OPCML: variants seen among roughly 807,000 people sequenced by gnomAD.
OPCML encodes opioid-binding protein/cell adhesion molecule.
OPCML carries 13 observed loss-of-function variants against 37.8 expected under a neutral mutation model. That is an observed-to-expected ratio of 0.34 (90% confidence interval 0.22 to 0.55). OPCML has a LOEUF of 0.55. Among genes scored for constraint, OPCML ranks in the 20% least tolerant of loss-of-function variants. The pLI is 0.91. For missense variants in OPCML, 341 were observed against 435.6 expected, an observed-to-expected ratio of 0.78 and a Z score of 1.93; for synonymous variants, 176 against 168.8, an observed-to-expected ratio of 1.04 and a Z score of -0.33.
chr11:132,656,766 G>A (rs769636050), intron 3 of OPCML, among the ~76,000 whole-genome samples: 1 of 152,180 alleles, frequency 6.6e-6, no homozygotes, highest in Non-Finnish European at 1.5e-5. Context: ...GAGTAGTACT[G>A]TATTTATCTA....
At chr11:132,620,560 C>T (rs779640493) in intron 3 of OPCML, among the ~76,000 whole-genome samples, 152 of 152,242 alleles carry the variant, frequency 1.0e-3, no homozygotes, top group Non-Finnish European at 2.1e-3. Flanking sequence ...CCCAAGGTGA[C>T]GCTTTACCAA....
At chr11:132,639,881 C>T (rs1940744653) in intron 3 of OPCML, among the ~76,000 whole-genome samples, 1 of 152,206 alleles carries the variant, frequency 6.6e-6, no homozygotes, top group Non-Finnish European at 1.5e-5. Context: ...GGATGGCTGT[C>T]ATCGACAGTA....
At chr11:132,617,910 G>T (rs1229187070) in intron 3 of OPCML, among the ~76,000 whole-genome samples, 1 of 152,184 alleles carries the variant, frequency 6.6e-6, no homozygotes, top group Non-Finnish European at 1.5e-5. Context: ...TCAAAGTGGG[G>T]ATTATGGCTT....
intron 2 of OPCML, among the ~76,000 whole-genome samples, chr11:132,731,445 G>A (rs1945071879): frequency 6.6e-6 from 1 of 152,184 alleles, no homozygotes; most frequent in South Asian, 2.1e-4. Flanking sequence ...AAAGAAATGT[G>A]CCACAGTGTA....
chr11:132,729,846 G>A (rs921360050), intron 2 of OPCML, among the ~76,000 whole-genome samples: 1 of 152,072 alleles, frequency 6.6e-6, no homozygotes, highest in Non-Finnish European at 1.5e-5. Flanking sequence ...TGAAGGGGAT[G>A]AGCAGGATAT....
Position 132,831,607 on chromosome 11 carries a change from C to T in OPCML, c.146+111319G>A, listed in dbSNP as rs1230145642. On this transcript the variant is annotated intron_variant, in intron 2 of 7. Coordinates refer to ENST00000524381, the MANE Select transcript of OPCML (RefSeq NM_001012393.5). ...ACTTGCTTCCTCCTGCCTCTCCAAA[C>T]CCATCCATCATAACTGGTAATAGGG... Among the ~76,000 whole-genome samples, 11 of 152,046 alleles carry T rather than the reference C, an allele frequency of 7.2e-5. 1 individual carries two copies. Among genetic ancestry groups the T allele is most frequent in the Admixed American group, 7.2e-4 (11 of 15,264 alleles).
At chr11:133,393,478 T>C (rs1169557578) in intron 1 of OPCML, among the ~76,000 whole-genome samples, 1 of 152,184 alleles carries the variant, frequency 6.6e-6, no homozygotes, top group East Asian at 1.9e-4. Context: ...CAGCTTACCA[T>C]CTTTGGTAGC....
chr11:132,895,811 T>C (rs1943817565), intron 2 of OPCML, among the ~76,000 whole-genome samples: 1 of 152,056 alleles, frequency 6.6e-6, no homozygotes. Context: ...CCACCCCCCC[T>C]GCCCCTCTTT....
chr11:133,474,827 G>A lies in OPCML; in HGVS notation c.61+57437C>T, dbSNP rs555865273. On this transcript the variant is annotated intron_variant, in intron 1 of 7. Transcript: ENST00000524381. ...ATAGGAGAGGAGGGTGGGGAGTCTC[G>A]GATGTGCTGGGGCACTGGCCTTTGA... Among the ~76,000 whole-genome samples, 6 of 152,304 alleles carry A rather than the reference G, an allele frequency of 3.9e-5. No individual in the cohort carries two copies. In the South Asian group the frequency reaches 8.3e-4, roughly 21 times the overall value.
At chr11:133,137,699 A>G (rs1170227480) in intron 1 of OPCML, among the ~76,000 whole-genome samples, 1 of 152,210 alleles carries the variant, frequency 6.6e-6, no homozygotes, top group Non-Finnish European at 1.5e-5. Context: ...GCTCAATTCA[A>G]GTTAACATTT....
intron 2 of OPCML, among the ~76,000 whole-genome samples, chr11:132,700,980 T>C (rs1054794333): frequency 5.3e-5 from 8 of 152,236 alleles, no homozygotes; most frequent in Non-Finnish European, 8.8e-5. Flanking sequence ...TGAGTGCCTA[T>C]ATATTTACAA....
chr11:132,469,770 A>G (rs11223085), intron 4 of OPCML, among the ~76,000 whole-genome samples: 372 of 27,522 alleles, frequency 0.014, 1 homozygote, highest in South Asian at 0.033. Flanking sequence ...GTGTGTGTGT[A>G]TGTGTGGAGG....
intron 2 of OPCML, among the ~76,000 whole-genome samples, chr11:132,904,235 C>T (rs1405798332): frequency 6.6e-6 from 1 of 152,208 alleles, no homozygotes; most frequent in Non-Finnish European, 1.5e-5. Context: ...GCCATTAATA[C>T]AGCACAAACA....
chr11:132,752,813 C>T (rs1341510251), intron 2 of OPCML, among the ~76,000 whole-genome samples: 1 of 152,082 alleles, frequency 6.6e-6, no homozygotes, highest in South Asian at 2.1e-4. Flanking sequence ...ATATAAAAGA[C>T]AGGCCTCCTT....
At chr11:132,590,167 T>G (rs1764196527) in intron 3 of OPCML, among the ~76,000 whole-genome samples, 2 of 152,206 alleles carry the variant, frequency 1.3e-5, no homozygotes, top group South Asian at 4.1e-4. Flanking sequence ...ATACATAAAC[T>G]GCATATTCTT....
intron 2 of OPCML, among the ~76,000 whole-genome samples, chr11:132,811,086 C>T (rs992780071): frequency 2.0e-5 from 3 of 152,134 alleles, no homozygotes; most frequent in Non-Finnish European, 4.4e-5. Flanking sequence ...TAGGTGCCCC[C>T]CAAGAGCTGT....
At chr11:132,496,186 G>A (rs1238766333) in intron 4 of OPCML, among the ~76,000 whole-genome samples, 3 of 152,138 alleles carry the variant, frequency 2.0e-5, no homozygotes, top group Admixed American at 6.5e-5. Context: ...GTGCAAGAGC[G>A]TGACCAGGCT....
chr11:133,408,849 G>A (rs1945583135), intron 1 of OPCML, among the ~76,000 whole-genome samples: 1 of 152,206 alleles, frequency 6.6e-6, no homozygotes, highest in Admixed American at 6.5e-5. Context: ...ATGAGACAAT[G>A]CGATTCAAAG....
chr11:132,711,664 T>A (rs1944267338), intron 2 of OPCML, among the ~76,000 whole-genome samples: 1 of 152,190 alleles, frequency 6.6e-6, no homozygotes, highest in Admixed American at 6.5e-5. Flanking sequence ...AGTGTGTATG[T>A]ATGTATATGT....
Sources: allele counts gnomAD v4.1 joint callset (sites outside exome capture counted in the v4.1 genomes callset), GRCh38; gene constraint gnomAD v4.1.1; transcripts MANE v1.5; gene names NCBI Gene and HGNC (gene_info 2026-07-23, HGNC 2026-07-21).